ZC2HC1B: variants seen among roughly 807,000 people sequenced by gnomAD.
ZC2HC1B encodes the protein zinc finger C2HC domain-containing protein 1B.
In ZC2HC1B, 36 loss-of-function variants were observed where a neutral mutation model predicts 31.0. The ratio of observed to expected loss-of-function variants is 1.16; its 90% CI spans 0.89 to 1.54. The LOEUF (loss-of-function observed/expected upper bound fraction) is 1.54, where lower values mean the gene tolerates loss of function less well. Among genes scored for constraint, ZC2HC1B ranks in the 40% most tolerant of loss-of-function variants. ZC2HC1B has a pLI of 0.00. For missense variants in ZC2HC1B, 260 were observed against 268.6 expected, an observed-to-expected ratio of 0.97 and a Z score of 0.22; for synonymous variants, 73 against 88.0, an observed-to-expected ratio of 0.83 and a Z score of 0.95.
chr6:143,898,785 A>G (rs987598162), intron 5 of ZC2HC1B, 94 bp downstream of exon 5: 3 of 1,446,884 alleles, frequency 2.1e-6, no homozygotes, highest in East Asian at 2.5e-5. Context: ...TACCCATCCT[A>G]AGAAGTGTAA....
rs1363073260 is a variant in ZC2HC1B at position 143,884,258 on chromosome 6, G to A, written c.29-46G>A. ...CCAGTCAGTCATTTCTTCTCAGCGA[G>A]GAAATTCCATGAAACTAACATAATG... On this transcript the variant is annotated intron_variant, in intron 1 of 7. Transcript: ENST00000237275. The surrounding 1 kb of genome is among the most constrained non-coding windows in gnomAD (Gnocchi z 5.1). 6.8e-7 allele frequency: 1 copy of A among 1,480,290 alleles called. No homozygotes were observed. 91.7% of individuals were successfully genotyped at this position (1,480,290 alleles called of 1,614,324 possible).
chr6:143,893,122 C>A (rs1205130881), intron 4 of ZC2HC1B, among the ~76,000 whole-genome samples: 5 of 152,028 alleles, frequency 3.3e-5, no homozygotes, highest in African/African-American at 1.2e-4. Context: ...AATAAGGAGA[C>A]AACCCAATCA....
At chr6:143,900,556 G>A (rs1053527931) in intron 5 of ZC2HC1B, among the ~76,000 whole-genome samples, 4 of 152,030 alleles carry the variant, frequency 2.6e-5, no homozygotes, top group African/African-American at 7.3e-5. Flanking sequence ...GTCCTTGATT[G>A]ACAGGTCCTT....
rs539608097 is a variant in ZC2HC1B, at chr6:143,910,817, G to A, written c.598+7665G>A. Among the ~76,000 whole-genome samples, 4 of 152,162 alleles carry A rather than the reference G, an allele frequency of 2.6e-5. No individual in the cohort carries two copies. The South Asian group carries it at 8.3e-4, about 32-fold the overall frequency. ...CTCCCAGGCTGGAGTGCAGTGGCAC[G>A]ATCTTGGCTCATTGCAACCTCCACC... On this transcript the variant is annotated intron_variant, in intron 6 of 7. Coordinates refer to ENST00000237275, the MANE Select transcript of ZC2HC1B (RefSeq NM_001013623.3).
intron 5 of ZC2HC1B, among the ~76,000 whole-genome samples, chr6:143,901,276 T>C (rs1225866446): frequency 1.4e-5 from 2 of 141,764 alleles, no homozygotes; most frequent in Admixed American, 1.4e-4. Context: ...TTTTTTTTTT[T>C]TGAGACAGAG....
chr6:143,919,872 G>A (rs150615638), intron 6 of ZC2HC1B, among the ~76,000 whole-genome samples: 1 of 152,148 alleles, frequency 6.6e-6, no homozygotes, highest in Non-Finnish European at 1.5e-5. Context: ...CAGCGCAATT[G>A]TTATCTAGGA....
At chr6:143,900,984 A>G (rs1777731008) in intron 5 of ZC2HC1B, among the ~76,000 whole-genome samples, 2 of 150,858 alleles carry the variant, frequency 1.3e-5, no homozygotes, top group South Asian at 2.1e-4. Context: ...GATTACAATC[A>G]CCCACCACCA....
At position 143,933,198 on chromosome 6, in the gene ZC2HC1B, G is replaced by T. The variant is rs540259769; in HGVS notation, c.599-4451G>T. On this transcript the variant is annotated intron_variant, in intron 6 of 7. Transcript: ENST00000237275. The surrounding 1 kb of genome is among the most constrained non-coding windows in gnomAD (Gnocchi z 6.4). ...CAGGATGTTTCAGGCAGTGGAATTA[G>T]CTGCTGTTTTTTCCTTCATTAGAGC... Among the ~76,000 whole-genome samples, 1 of 152,334 alleles carries T rather than the reference G, an allele frequency of 6.6e-6. No homozygotes were observed. Among genetic ancestry groups the T allele is most frequent in the South Asian group, 2.1e-4 (1 of 4,830 alleles).
chr6:143,911,126 C>A lies in ZC2HC1B; in HGVS notation c.598+7974C>A, dbSNP rs551601460. ...TGCTTTTTTCAATATTTTCCATTTG[C>A]TTGGTAAATTTTCCTTCATCCCTTT... On this transcript the variant is annotated intron_variant, in intron 6 of 7. Transcript: ENST00000237275. This position sits in a 1 kb window ranked among gnomAD's most constrained non-coding sequence, Gnocchi z 4.5. Among the ~76,000 whole-genome samples, 51 of 152,252 alleles carry A rather than the reference C, an allele frequency of 3.3e-4. No individual in the cohort carries two copies. The highest frequency in any genetic ancestry group is 2.9e-3 in the Admixed American group (44 of 15,294).
At chr6:143,891,166 T>C (rs1368732363) in intron 4 of ZC2HC1B, among the ~76,000 whole-genome samples, 5 of 150,462 alleles carry the variant, frequency 3.3e-5, no homozygotes, top group Non-Finnish European at 7.4e-5. Context: ...AAATTTATAA[T>C]AACATAAAAA....
rs1440627843 is a variant in ZC2HC1B at position 143,895,232 on chromosome 6, G to A, written c.350-3320G>A. The stretch of plus-strand genomic sequence containing the variant: ...GACTGGAGTGCAATGGCAGGACCTC[G>A]GGTCACTGCAAACTCCGCCTCCCAG... On this transcript the variant is annotated intron_variant, in intron 4 of 7. Coordinates refer to ENST00000237275, the MANE Select transcript of ZC2HC1B (RefSeq NM_001013623.3). The surrounding 1 kb of genome is among the most constrained non-coding windows in gnomAD (Gnocchi z 4.8). Among the ~76,000 whole-genome samples, 1 of 152,086 alleles carries A rather than the reference G, an allele frequency of 6.6e-6. No individual in the cohort carries two copies. Among genetic ancestry groups the A allele is most frequent in the African/African-American group, 2.4e-5 (1 of 41,398 alleles).
At position 143,885,540 on chromosome 6, in the gene ZC2HC1B, T is replaced by C. The variant is rs181846787; in HGVS notation, c.91-492T>C. Among the ~76,000 whole-genome samples the C allele has an allele frequency of 1.8e-4, 28 of 152,348 alleles. No individual in the cohort carries two copies. Among genetic ancestry groups the C allele is most frequent in the Admixed American group, 1.6e-3 (25 of 15,294 alleles). ...TTCTTAGCCAGTGCAGTGATTTTTA[T>C]AGAGCTTGTATTTTGTGGGGTCTGA... On this transcript the variant is annotated intron_variant, in intron 2 of 7. Transcript: ENST00000237275. This position sits in a 1 kb window ranked among gnomAD's most constrained non-coding sequence, Gnocchi z 4.2.
chr6:143,887,537 C>T lies in ZC2HC1B; in HGVS notation c.349+716C>T, dbSNP rs7753306. 6.6e-6 allele frequency among the ~76,000 whole-genome samples: 1 copy of T among 152,046 alleles called. No homozygotes were observed. The highest frequency in any genetic ancestry group is 2.1e-4 in the South Asian group (1 of 4,826). On this transcript the variant is annotated intron_variant, in intron 4 of 7. Coordinates refer to ENST00000237275, the MANE Select transcript of ZC2HC1B (RefSeq NM_001013623.3). The surrounding 1 kb of genome is among the most constrained non-coding windows in gnomAD (Gnocchi z 5.1). The stretch of plus-strand genomic sequence containing the variant: ...TAGCTTAAGAATGGTTTTTAAAGCT[C>T]TCTTCTCACCCATGTTCAGCCACAA...
rs1582946382 is a variant in ZC2HC1B, at chr6:143,865,486, G to A, written c.28+919G>A. Among the ~76,000 whole-genome samples, 1 of 152,112 alleles carries A rather than the reference G, an allele frequency of 6.6e-6. No homozygotes were observed. The highest frequency in any genetic ancestry group is 6.5e-5 in the Admixed American group (1 of 15,270). On this transcript the variant is annotated intron_variant, in intron 1 of 7. Transcript: ENST00000237275. This position sits in a 1 kb window ranked among gnomAD's most constrained non-coding sequence, Gnocchi z 4.4. Reference sequence around the variant, plus strand: ...GAGCTTGTATTTAAAAATCCTGCACGCATCCCTCCCCTGCATCCTTGACCC... The same window carrying A: ...GAGCTTGTATTTAAAAATCCTGCACACATCCCTCCCCTGCATCCTTGACCC...
In ZC2HC1B at chr6:143,865,996, A is replaced by G. The variant is rs1777255887; in HGVS notation, c.28+1429A>G. 6.6e-6 allele frequency among the ~76,000 whole-genome samples: 1 copy of G among 152,184 alleles called. No homozygotes were observed. Among genetic ancestry groups the G allele is most frequent in the Admixed American group, 6.5e-5 (1 of 15,282 alleles). On this transcript the variant is annotated intron_variant, in intron 1 of 7. Coordinates refer to ENST00000237275, the MANE Select transcript of ZC2HC1B (RefSeq NM_001013623.3). The surrounding 1 kb of genome is among the most constrained non-coding windows in gnomAD (Gnocchi z 4.4). ...ATGCCCAGCTAATTTTTGTATTCTT[A>G]GTAGAGACAGGGTTTCGCCATGTTG...
rs569454350 is a variant in ZC2HC1B at position 143,875,958 on chromosome 6, C to A, written c.29-8346C>A. ...TCATCAGAGTTTACAAACTCAGTGT[C>A]CCCAGCTTCATCAGGGTCTTCCCAT... is the stretch of plus-strand genomic sequence containing the variant. On this transcript the variant is annotated intron_variant, in intron 1 of 7. Coordinates refer to ENST00000237275, the MANE Select transcript of ZC2HC1B (RefSeq NM_001013623.3). Among the ~76,000 whole-genome samples, 4 of 150,818 alleles carry A rather than the reference C, an allele frequency of 2.7e-5. 1 individual carries two copies. Among genetic ancestry groups the A allele is most frequent in the African/African-American group, 9.8e-5 (4 of 40,952 alleles).
chr6:143,896,232 A>G (rs574967611), intron 4 of ZC2HC1B, among the ~76,000 whole-genome samples: 1 of 152,348 alleles, frequency 6.6e-6, no homozygotes, highest in Non-Finnish European at 1.5e-5. Context: ...GCAGGGAAAT[A>G]GACTTCAACT....
rs1777852169 is a variant in ZC2HC1B, at chr6:143,911,270, C to T, written c.598+8118C>T. 6.6e-6 allele frequency among the ~76,000 whole-genome samples: 1 copy of T among 151,958 alleles called. No individual in the cohort carries two copies. The highest frequency in any genetic ancestry group is 1.5e-5 in the Non-Finnish European group (1 of 68,008). On this transcript the variant is annotated intron_variant, in intron 6 of 7. Transcript: ENST00000237275. This position sits in a 1 kb window ranked among gnomAD's most constrained non-coding sequence, Gnocchi z 4.5. Reference sequence around the variant, plus strand: ...TATCTTTTAATTGGGGCATTTAGCCCATTTAAATTTAAGGTTAGTATTGTT... The same window carrying T: ...TATCTTTTAATTGGGGCATTTAGCCTATTTAAATTTAAGGTTAGTATTGTT...
intron 6 of ZC2HC1B, among the ~76,000 whole-genome samples, chr6:143,930,707 A>G (rs1778109677): frequency 6.6e-6 from 1 of 152,142 alleles, no homozygotes; most frequent in African/African-American, 2.4e-5. Context: ...GAATCACTTT[A>G]TAGTTTTATT....
Sources: allele counts gnomAD v4.1 joint callset (sites outside exome capture counted in the v4.1 genomes callset), GRCh38; gene constraint gnomAD v4.1.1; non-coding constraint Gnocchi (gnomAD v3.1); transcripts MANE v1.5; gene names NCBI Gene and HGNC (gene_info 2026-07-23, HGNC 2026-07-21).